Variants in AEBP2 observed in about 807,000 individuals in gnomAD.
AEBP2 encodes the protein AE binding protein 2.
In AEBP2, 10 loss-of-function variants were observed where a neutral mutation model predicts 50.8. The ratio of observed to expected loss-of-function variants is 0.20; its 90% CI spans 0.12 to 0.33. The LOEUF (loss-of-function observed/expected upper bound fraction) is 0.33. AEBP2 is among the 10% of genes least tolerant of loss of function. The pLI, the probability that AEBP2 is intolerant of heterozygous loss-of-function variation, is 1.00. For missense variants in AEBP2, 570 were observed against 688.0 expected (o/e 0.83, Z 1.92); for synonymous variants, 296 against 261.3 (o/e 1.13, Z -1.28).
chr12:19,424,335 A>C (rs2095747360), intron 1 of AEBP2, among the ~76,000 whole-genome samples: 1 of 152,184 alleles, frequency 6.6e-6, no homozygotes, highest in African/African-American at 2.4e-5. Flanking sequence ...ACAGTAGAGG[A>C]CATGAAAGAT....
At chr12:19,488,200 T>C (rs1948841497) in intron 3 of AEBP2, among the ~76,000 whole-genome samples, 1 of 151,588 alleles carries the variant, frequency 6.6e-6, no homozygotes, top group African/African-American at 2.4e-5. Context: ...CTCAGCTCAC[T>C]GCAACCTCTG....
chr12:19,427,377 CAAAA>C (rs58310486), intron 1 of AEBP2, among the ~76,000 whole-genome samples: 1 of 69,980 alleles, frequency 1.4e-5, no homozygotes. Flanking sequence ...GAGTCTGTCT[CAAAA>C]AAAAAAAAAA....
At chr12:19,512,518 T>G in intron 6 of AEBP2, 53 bp downstream of exon 6, 1 of 1,145,886 alleles carries the variant, frequency 8.7e-7, no homozygotes, top group Non-Finnish European at 1.2e-6. Flanking sequence ...TTATTTTTGT[T>G]AAAATCTTAC....
chr12:19,429,547 C>T (rs375547639), intron 1 of AEBP2, among the ~76,000 whole-genome samples: 4 of 152,206 alleles, frequency 2.6e-5, no homozygotes, highest in African/African-American at 4.8e-5. Context: ...CCTGAGGAAT[C>T]GCCACACTGA....
chr12:19,421,080 C>T (rs866960926), intron 1 of AEBP2, among the ~76,000 whole-genome samples: 1 of 152,078 alleles, frequency 6.6e-6, no homozygotes. Flanking sequence ...CGAGGTGACT[C>T]ACACCTGTAA....
In AEBP2 at chr12:19,518,293, G is replaced by A. The variant is rs779608485; in HGVS notation, c.*176G>A. 227 of 1,298,872 alleles carry A rather than the reference G, an allele frequency of 1.7e-4. 1 individual carries two copies. The highest frequency in any genetic ancestry group is 2.2e-4 in the Non-Finnish European group (221 of 1,026,142). 80.5% of individuals were successfully genotyped at this position (1,298,872 alleles called of 1,614,324 possible). ...TTAGTGTAAACATTCTGTGAATGAA[G>A]TAGACTCTTCGGTGGAATATATTAA... is the stretch of plus-strand genomic sequence containing the variant. On this transcript the variant is annotated 3_prime_UTR_variant, in exon 8 of 8. Coordinates refer to ENST00000266508, the MANE Select transcript of AEBP2 (RefSeq NM_153207.5).
intron 3 of AEBP2, among the ~76,000 whole-genome samples, chr12:19,480,439 A>G (rs576663247): frequency 1.3e-5 from 2 of 152,230 alleles, no homozygotes; most frequent in East Asian, 1.9e-4. Context: ...TCGAGGTTTT[A>G]TTTCAAGATT....
intron 4 of AEBP2, among the ~76,000 whole-genome samples, chr12:19,495,108 G>T (rs1301515497): frequency 6.6e-6 from 1 of 152,064 alleles, no homozygotes; most frequent in African/African-American, 2.4e-5. Context: ...GTTTCGCCAT[G>T]TGGCCAGGCT....
intron 1 of AEBP2, among the ~76,000 whole-genome samples, chr12:19,450,859 AT>A (rs530384693): frequency 7.1e-4 from 101 of 141,948 alleles, no homozygotes; most frequent in Middle Eastern, 3.5e-3. Context: ...AAAAAGGGTC[AT>A]TTTTTTTTTT....
chr12:19,486,871 T>C (rs1307156529), intron 3 of AEBP2, among the ~76,000 whole-genome samples: 3 of 152,010 alleles, frequency 2.0e-5, no homozygotes, highest in African/African-American at 7.2e-5. Context: ...ATCTCAAATG[T>C]AACCCCCACC....
chr12:19,405,329 A>G (rs1278836954), intron 1 of AEBP2, among the ~76,000 whole-genome samples: 1 of 147,010 alleles, frequency 6.8e-6, no homozygotes, highest in Non-Finnish European at 1.5e-5. Context: ...TATTTTATTT[A>G]CTTATTTTTT....
At chr12:19,432,675 C>T (rs111710451) in intron 1 of AEBP2, among the ~76,000 whole-genome samples, 4,644 of 152,162 alleles carry the variant, frequency 0.031, 73 homozygotes, top group East Asian at 0.045. Context: ...GCCTGGGCAA[C>T]AGAGCAAGAC....
At chr12:19,445,275 G>A (rs371476450) in intron 1 of AEBP2, among the ~76,000 whole-genome samples, 3 of 151,696 alleles carry the variant, frequency 2.0e-5, no homozygotes, top group Admixed American at 1.3e-4. Flanking sequence ...CTTGGCTCAC[G>A]GCAGCCTCTG....
intron 3 of AEBP2, among the ~76,000 whole-genome samples, chr12:19,481,141 C>T (rs1443815348): frequency 8.3e-6 from 1 of 120,610 alleles, no homozygotes; most frequent in Non-Finnish European, 1.6e-5. Flanking sequence ...CACTCTGTTG[C>T]CCAGGCTGGA....
chr12:19,471,412 T>G (rs565819769), intron 2 of AEBP2, among the ~76,000 whole-genome samples: 19 of 152,264 alleles, frequency 1.2e-4, no homozygotes, highest in African/African-American at 4.1e-4. Flanking sequence ...CCACTGTGCC[T>G]GGTGAGTCTA....
At chr12:19,419,049 T>G (rs1261314549) in intron 1 of AEBP2, 3 of 166,340 alleles carry the variant, frequency 1.8e-5, no homozygotes, top group Admixed American at 6.4e-5. Flanking sequence ...AGTAGTGATC[T>G]CCTCACTCTT....
intron 1 of AEBP2, among the ~76,000 whole-genome samples, chr12:19,453,744 T>G (rs1291286581): frequency 6.6e-6 from 1 of 151,786 alleles, no homozygotes; most frequent in Non-Finnish European, 1.5e-5. Context: ...AAATTTGAAG[T>G]GGGTGTTTGT....
At chr12:19,509,193 T>A (rs770154983) in intron 5 of AEBP2, 2 of 393,310 alleles carry the variant, frequency 5.1e-6, no homozygotes, top group Non-Finnish European at 9.7e-6. Flanking sequence ...GCTTTCCTTA[T>A]TAAGGAGTAG....
At chr12:19,469,792 C>T (rs1029638134) in intron 2 of AEBP2, among the ~76,000 whole-genome samples, 5 of 152,190 alleles carry the variant, frequency 3.3e-5, no homozygotes, top group African/African-American at 1.2e-4. Context: ...TAATACAACA[C>T]AATTTGCTGT....
Sources: allele counts gnomAD v4.1 joint callset (sites outside exome capture counted in the v4.1 genomes callset), GRCh38; gene constraint gnomAD v4.1.1; transcripts MANE v1.5; gene names NCBI Gene and HGNC (gene_info 2026-07-23, HGNC 2026-07-21).